Variants in PLXNA4 observed in about 807,000 individuals in gnomAD.
PLXNA4 encodes the protein plexin-A4.
In PLXNA4, 44 loss-of-function variants were observed where a neutral mutation model predicts 191.8. That is an observed-to-expected ratio of 0.23 (90% confidence interval 0.18 to 0.29). The LOEUF is 0.29. Among genes scored for constraint, PLXNA4 ranks in the 10% least tolerant of loss-of-function variants. PLXNA4 has a pLI of 1.00. For missense variants in PLXNA4, 1,800 were observed against 2,488.8 expected (o/e 0.72, Z 5.89); for synonymous variants, 1,082 against 1,009.5 (o/e 1.07, Z -1.36).
At chr7:132,396,959 T>C (rs1216205978) in intron 3 of PLXNA4, among the ~76,000 whole-genome samples, 1 of 152,226 alleles carries the variant, frequency 6.6e-6, no homozygotes, top group Non-Finnish European at 1.5e-5. Flanking sequence ...GCCCCACACC[T>C]GCCTGGGGCC....
intron 3 of PLXNA4, chr7:132,484,744 T>A: frequency 6.3e-7 from 1 of 1,589,650 alleles, no homozygotes. Context: ...GACACTTCCA[T>A]CCATCTGCAG....
chr7:132,233,503 T>C (rs1013246466), intron 5 of PLXNA4, among the ~76,000 whole-genome samples: 3 of 152,196 alleles, frequency 2.0e-5, no homozygotes, highest in South Asian at 2.1e-4. Flanking sequence ...AATCCCAAGA[T>C]AGGAAGCCCA....
At chr7:132,505,085 G>T (rs1267182168) in intron 2 of PLXNA4, among the ~76,000 whole-genome samples, 1 of 152,240 alleles carries the variant, frequency 6.6e-6, no homozygotes, top group Non-Finnish European at 1.5e-5. Flanking sequence ...CCTGTGCAGA[G>T]TTTCTGGCCT....
intron 3 of PLXNA4, among the ~76,000 whole-genome samples, chr7:132,300,130 T>C (rs1801249816): frequency 6.6e-6 from 1 of 152,242 alleles, no homozygotes; most frequent in Admixed American, 6.5e-5. Context: ...TCAAAAGTCC[T>C]AGTGGATGCA....
chr7:132,321,322 G>A (rs1345244515), intron 3 of PLXNA4, among the ~76,000 whole-genome samples: 1 of 151,520 alleles, frequency 6.6e-6, no homozygotes, highest in Non-Finnish European at 1.5e-5. Context: ...GTGTGTGAAT[G>A]TAAGATCTAC....
chr7:132,442,099 C>T (rs946473337), intron 3 of PLXNA4, among the ~76,000 whole-genome samples: 2 of 152,190 alleles, frequency 1.3e-5, no homozygotes, highest in African/African-American at 2.4e-5. Context: ...GAGCCCCAAG[C>T]CCTTAATGAT....
chr7:132,416,191 C>T (rs374350935), intron 3 of PLXNA4, among the ~76,000 whole-genome samples: 1 of 152,156 alleles, frequency 6.6e-6, no homozygotes, highest in African/African-American at 2.4e-5. Context: ...CAAATAGAAA[C>T]ACTTTTCAGG....
At chr7:132,404,327 C>T (rs1486713501) in intron 3 of PLXNA4, among the ~76,000 whole-genome samples, 1 of 152,248 alleles carries the variant, frequency 6.6e-6, no homozygotes, top group Non-Finnish European at 1.5e-5. Context: ...GGGGACTCCC[C>T]CCAGTGACTT....
At chr7:132,230,460 C>T (rs534504746) in intron 5 of PLXNA4, among the ~76,000 whole-genome samples, 45 of 152,292 alleles carry the variant, frequency 3.0e-4, no homozygotes, top group African/African-American at 5.1e-4. Context: ...ACTTGTTGGA[C>T]GAAGATAAAT....
intron 3 of PLXNA4, among the ~76,000 whole-genome samples, chr7:132,438,673 T>A (rs1405386797): frequency 6.6e-6 from 1 of 152,232 alleles, no homozygotes; most frequent in Non-Finnish European, 1.5e-5. Context: ...TTGCTGGTAA[T>A]TAGGCTGGCT....
chr7:132,336,341 G>A (rs141896200), intron 3 of PLXNA4, among the ~76,000 whole-genome samples: 3 of 152,252 alleles, frequency 2.0e-5, no homozygotes, highest in African/African-American at 7.2e-5. Context: ...TCTGATCCAG[G>A]CAACACACAT....
chr7:132,457,776 G>A (rs1408511026), intron 3 of PLXNA4, among the ~76,000 whole-genome samples: 1 of 152,232 alleles, frequency 6.6e-6, no homozygotes, highest in Non-Finnish European at 1.5e-5. Context: ...GAGGGAGGCA[G>A]TGTGAAGACA....
At chr7:132,527,741 A>T (rs1799460967) in intron 1 of PLXNA4, among the ~76,000 whole-genome samples, 1 of 151,966 alleles carries the variant, frequency 6.6e-6, no homozygotes, top group African/African-American at 2.4e-5. Flanking sequence ...ATTTGCCCAG[A>T]CCTATTCCCC....
At chr7:132,546,660 T>C (rs1305073607) in intron 1 of PLXNA4, among the ~76,000 whole-genome samples, 1 of 152,186 alleles carries the variant, frequency 6.6e-6, no homozygotes, top group Non-Finnish European at 1.5e-5. Flanking sequence ...TGGAAATGAT[T>C]GAAACAAATG....
chr7:132,481,428 AC>A (rs757784610), intron 3 of PLXNA4, among the ~76,000 whole-genome samples: 1 of 151,992 alleles, frequency 6.6e-6, no homozygotes, highest in Non-Finnish European at 1.5e-5. Flanking sequence ...TCCCAGGACA[AC>A]CTCGGATTAG....
chr7:132,191,540 G>A (rs1298657832), intron 14 of PLXNA4, among the ~76,000 whole-genome samples: 1 of 152,182 alleles, frequency 6.6e-6, no homozygotes, highest in East Asian at 1.9e-4. Flanking sequence ...AGAAGCATCA[G>A]CTTAGTAAGT....
At chr7:132,502,979 T>A (rs569012805) in intron 2 of PLXNA4, among the ~76,000 whole-genome samples, 2 of 152,284 alleles carry the variant, frequency 1.3e-5, no homozygotes, top group East Asian at 3.9e-4. Context: ...TGAGGGACAC[T>A]CAGGTCAAGG....
chr7:132,239,481 G>A (rs1798808774), intron 5 of PLXNA4, among the ~76,000 whole-genome samples: 1 of 152,162 alleles, frequency 6.6e-6, no homozygotes, highest in Non-Finnish European at 1.5e-5. Flanking sequence ...AGGTAGGAAA[G>A]CCCCATGCCA....
In PLXNA4 at chr7:132,228,788, A is replaced by AT. The variant is rs772067336; in HGVS notation, c.1605-320dup. 1.3e-5 allele frequency among the ~76,000 whole-genome samples: 2 copies of AT among 152,280 alleles called. 1 individual carries two copies. The highest frequency in any genetic ancestry group is 6.8e-3 in the Middle Eastern group (2 of 294). On this transcript the variant is annotated intron_variant, in intron 5 of 31. Transcript: ENST00000321063. ...TCTCTGCACATCCTTAGCCCTTGCC[A>AT]TTCTCTTCTCCTCCTTAGGCAACCA... is the stretch of plus-strand genomic sequence containing the variant.
Sources: gnomAD v4.1 joint callset for allele counts (sites outside exome capture counted in the v4.1 genomes callset) on GRCh38, gnomAD v4.1.1 for gene constraint, MANE v1.5 for transcripts, NCBI Gene and HGNC (gene_info 2026-07-23, HGNC 2026-07-21) for gene names.